GALNT10: variants seen among roughly 807,000 people sequenced by gnomAD.
GALNT10 encodes polypeptide N-acetylgalactosaminyltransferase 10, also known as GalNAc transferase 10.
Under a neutral mutation model 75.0 loss-of-function variants are expected in GALNT10, and 41 were observed. The ratio of observed to expected loss-of-function variants is 0.55; its 90% CI spans 0.43 to 0.71. The LOEUF is 0.71. Ranked by LOEUF, GALNT10 falls within the 30% of genes least tolerant of loss-of-function variation. The pLI is 0.00. For synonymous variants in GALNT10, 302 were observed against 313.0 expected (o/e 0.96, Z 0.37); for missense variants, 727 against 818.5 (o/e 0.89, Z 1.36).
intron 3 of GALNT10, among the ~76,000 whole-genome samples, chr5:154,325,390 G>T (rs1216921923): frequency 6.6e-6 from 1 of 152,024 alleles, no homozygotes; most frequent in Non-Finnish European, 1.5e-5. Flanking sequence ...TAGCAAAAGA[G>T]ATACAATAAA....
At chr5:154,237,315 A>C (rs966674093) in intron 1 of GALNT10, among the ~76,000 whole-genome samples, 18 of 152,184 alleles carry the variant, frequency 1.2e-4, no homozygotes, top group Non-Finnish European at 2.9e-5. Context: ...TGACTGTGAA[A>C]TTATTTGGGA....
chr5:154,319,908 C>G (rs1754649000), intron 3 of GALNT10, among the ~76,000 whole-genome samples: 1 of 152,164 alleles, frequency 6.6e-6, no homozygotes, highest in Admixed American at 6.5e-5. Context: ...CCCCAGGTCC[C>G]CTTTGTCTGC....
intron 4 of GALNT10, among the ~76,000 whole-genome samples, chr5:154,374,387 G>A (rs112429506): frequency 2.4e-4 from 36 of 152,240 alleles, no homozygotes; most frequent in African/African-American, 7.9e-4. Context: ...AACATAACAC[G>A]AAACACACTT....
intron 5 of GALNT10, among the ~76,000 whole-genome samples, chr5:154,377,977 T>C (rs1369633555): frequency 6.6e-6 from 1 of 152,208 alleles, no homozygotes; most frequent in Non-Finnish European, 1.5e-5. Flanking sequence ...AAGCTGAGCT[T>C]GTAGTCTAAA....
At chr5:154,359,894 A>C (rs888770407) in intron 4 of GALNT10, among the ~76,000 whole-genome samples, 4 of 151,908 alleles carry the variant, frequency 2.6e-5, no homozygotes, top group Admixed American at 2.6e-4. Flanking sequence ...TGGTGGGACT[A>C]AAATTGGGAA....
chr5:154,312,273 T>C (rs992520841), intron 3 of GALNT10, among the ~76,000 whole-genome samples: 3 of 152,104 alleles, frequency 2.0e-5, no homozygotes, highest in Non-Finnish European at 4.4e-5. Flanking sequence ...CACTGTTACA[T>C]AGAAGAGAAC....
intron 1 of GALNT10, among the ~76,000 whole-genome samples, chr5:154,210,206 T>C (rs1315436096): frequency 6.6e-6 from 1 of 152,114 alleles, no homozygotes; most frequent in African/African-American, 2.4e-5. Flanking sequence ...CTACCCACAC[T>C]GTGCCCTCAC....
At chr5:154,247,464 G>T (rs1753446760) in intron 1 of GALNT10, among the ~76,000 whole-genome samples, 1 of 152,252 alleles carries the variant, frequency 6.6e-6, no homozygotes, top group Middle Eastern at 3.4e-3. Context: ...TCTTCTATTT[G>T]TTTGTATCCT....
intron 3 of GALNT10, among the ~76,000 whole-genome samples, chr5:154,299,865 C>T (rs1369931088): frequency 6.7e-5 from 10 of 149,218 alleles, no homozygotes; most frequent in South Asian, 4.2e-4. Flanking sequence ...GACAGGGTCT[C>T]GCCCTATCAC....
At chr5:154,258,540 T>C (rs1456846671) in intron 1 of GALNT10, among the ~76,000 whole-genome samples, 1 of 152,224 alleles carries the variant, frequency 6.6e-6, no homozygotes, top group Non-Finnish European at 1.5e-5. Context: ...GTGAAGTCTT[T>C]GGGATTCTGA....
At chr5:154,323,193 T>C (rs114709678) in intron 3 of GALNT10, among the ~76,000 whole-genome samples, 1,758 of 152,232 alleles carry the variant, frequency 0.012, 34 homozygotes, top group African/African-American at 0.04. Context: ...TTGATTTGTA[T>C]GTTGTTTCGT....
intron 4 of GALNT10, among the ~76,000 whole-genome samples, chr5:154,369,282 G>A (rs964078820): frequency 8.5e-5 from 13 of 152,286 alleles, no homozygotes; most frequent in African/African-American, 3.1e-4. Context: ...CAGCTACTCA[G>A]GAGGCTGAGG....
chr5:154,335,565 A>G (rs1016417210), intron 4 of GALNT10, among the ~76,000 whole-genome samples: 37 of 152,244 alleles, frequency 2.4e-4, no homozygotes, highest in Admixed American at 1.3e-4. Context: ...AAATGCAGGA[A>G]GAGCCATCCA....
At chr5:154,357,254 G>C (rs148374119) in intron 4 of GALNT10, among the ~76,000 whole-genome samples, 1 of 152,200 alleles carries the variant, frequency 6.6e-6, no homozygotes, top group Admixed American at 6.5e-5. Flanking sequence ...GTGCAGGAAA[G>C]CCAAGGCTAC....
intron 4 of GALNT10, chr5:154,329,971 A>AAAAAAAAC: frequency 2.7e-6 from 1 of 367,018 alleles, no homozygotes; most frequent in Non-Finnish European, 4.9e-6. Flanking sequence ...CAAAAAAAAA[A>AAAAAAAAC]AAAAAACAGA....
At chr5:154,348,377 G>T (rs153417) in intron 4 of GALNT10, among the ~76,000 whole-genome samples, 1 of 152,068 alleles carries the variant, frequency 6.6e-6, no homozygotes, top group African/African-American at 2.4e-5. Flanking sequence ...TCCAAGTCGC[G>T]CTATTCATAC....
chr5:154,345,997 C>T (rs1162923068), intron 4 of GALNT10, among the ~76,000 whole-genome samples: 2 of 144,150 alleles, frequency 1.4e-5, no homozygotes, highest in East Asian at 4.0e-4. Flanking sequence ...CAGGGTTTCA[C>T]CATGTTGCCT....
Position 154,420,442 on chromosome 5 carries a change from C to T in GALNT10, c.*3470C>T, listed in dbSNP as rs148817691. On this transcript the variant is annotated 3_prime_UTR_variant, in exon 12 of 12. Transcript: ENST00000297107. The stretch of plus-strand genomic sequence containing the variant: ...CACTTTACAGTAGTAACTGAGGAAT[C>T]AGAGTCTCTGCTTCAGCGATATCTA... 6.6e-6 allele frequency: 1 copy of T among 152,308 alleles called. No homozygotes were observed. The highest frequency in any genetic ancestry group is 2.4e-5 in the African/African-American group (1 of 41,570). 9.4% of individuals were successfully genotyped at this position (152,308 alleles called of 1,614,324 possible).
chr5:154,201,906 G>A (rs1341241124), intron 1 of GALNT10, among the ~76,000 whole-genome samples: 1 of 151,508 alleles, frequency 6.6e-6, no homozygotes, highest in African/African-American at 2.4e-5. Flanking sequence ...TCCAGCCTGG[G>A]TGACAGAGCA....
Sources: allele counts gnomAD v4.1 joint callset (sites outside exome capture counted in the v4.1 genomes callset), GRCh38; gene constraint gnomAD v4.1.1; transcripts MANE v1.5; gene names NCBI Gene and HGNC (gene_info 2026-07-23, HGNC 2026-07-21).